The following CREBL2 variants were observed in gnomAD, a reference collection of about 807,000 sequenced individuals.
CREBL2 encodes cAMP responsive element binding protein like 2.
Under a neutral mutation model 19.5 loss-of-function variants are expected in CREBL2, and 4 were observed. That is an observed-to-expected ratio of 0.20 (90% confidence interval 0.10 to 0.47). The LOEUF is 0.47. Ranked by LOEUF, CREBL2 falls within the 20% of genes least tolerant of loss-of-function variation. CREBL2 has a pLI of 0.98. For missense variants in CREBL2, 85 were observed against 145.1 expected, an observed-to-expected ratio of 0.59 and a Z score of 2.13; for synonymous variants, 42 against 46.6, an observed-to-expected ratio of 0.90 and a Z score of 0.40.
chr12:12,618,507 C>T (rs1344015593), intron 1 of CREBL2, among the ~76,000 whole-genome samples: 5 of 151,218 alleles, frequency 3.3e-5, no homozygotes, highest in East Asian at 1.9e-4. Flanking sequence ...ACTTCCTAGA[C>T]GGGATGGCGG....
intron 1 of CREBL2, 90 bp downstream of exon 1, chr12:12,612,277 AC>A: frequency 6.2e-7 from 1 of 1,603,666 alleles, no homozygotes. Flanking sequence ...CCACGCCAAC[AC>A]CCAAGAGACA....
chr12:12,634,527 T>G (rs1481887148), intron 1 of CREBL2, among the ~76,000 whole-genome samples: 2 of 152,204 alleles, frequency 1.3e-5, no homozygotes, highest in Non-Finnish European at 2.9e-5. Context: ...TGTGTATATA[T>G]ATACGATTTT....
intron 1 of CREBL2, 130 bp downstream of exon 1, chr12:12,612,317 A>T: frequency 1.3e-6 from 2 of 1,522,490 alleles, no homozygotes; most frequent in Non-Finnish European, 1.8e-6. Flanking sequence ...GCGCCTCTCC[A>T]GTCCACTGCC....
At chr12:12,622,197 T>A (rs1945364815) in intron 1 of CREBL2, among the ~76,000 whole-genome samples, 1 of 152,140 alleles carries the variant, frequency 6.6e-6, no homozygotes, top group African/African-American at 2.4e-5. Flanking sequence ...ACATACTGAG[T>A]TCAATAAATC....
At chr12:12,640,156 G>A (rs556134500) in intron 3 of CREBL2, among the ~76,000 whole-genome samples, 2 of 152,256 alleles carry the variant, frequency 1.3e-5, no homozygotes, top group East Asian at 3.9e-4. Context: ...ATTTACCAGG[G>A]CAGAGTTTTT....
chr12:12,643,758 G>C lies in CREBL2; in HGVS notation c.*1760G>C, dbSNP rs1445473206. On this transcript the variant is annotated 3_prime_UTR_variant, in exon 4 of 4. Transcript: ENST00000228865. The stretch of plus-strand genomic sequence containing the variant: ...TGGGTCTCTATGTTTTGGAAGTTGG[G>C]GGTTTAATAATATTTAATGTCTTTT... The C allele has an allele frequency of 1.3e-5, 2 of 152,082 alleles. No homozygotes were observed. Among genetic ancestry groups the C allele is most frequent in the African/African-American group, 4.8e-5 (2 of 41,398 alleles). 9.4% of individuals were successfully genotyped at this position (152,082 alleles called of 1,614,324 possible). A position where few individuals can be genotyped will look rare whatever the true frequency, so the allele number is the denominator to read the frequency against.
intron 3 of CREBL2, among the ~76,000 whole-genome samples, chr12:12,640,022 A>G (rs1945505662): frequency 6.6e-6 from 1 of 152,118 alleles, no homozygotes; most frequent in African/African-American, 2.4e-5. Context: ...CAAAGATCAC[A>G]GGGCAAAGGG....
At chr12:12,616,067 A>G (rs960206691) in intron 1 of CREBL2, among the ~76,000 whole-genome samples, 16 of 152,214 alleles carry the variant, frequency 1.1e-4, no homozygotes, top group Non-Finnish European at 2.2e-4. Flanking sequence ...TGTTATGGGT[A>G]TTTAAGGATG....
chr12:12,637,051 C>G (rs1268514254), intron 2 of CREBL2, among the ~76,000 whole-genome samples: 1 of 152,108 alleles, frequency 6.6e-6, no homozygotes, highest in East Asian at 1.9e-4. Flanking sequence ...TTCTTACTTT[C>G]TGCAGTGTAA....
chr12:12,612,240 C>A, intron 1 of CREBL2, 53 bp downstream of exon 1: 5 of 1,612,778 alleles, frequency 3.1e-6, no homozygotes, highest in Non-Finnish European at 3.4e-6. Context: ...CAATGCTAGT[C>A]CCGCGGCTGA....
At chr12:12,630,254 T>G (rs1001621193) in intron 1 of CREBL2, among the ~76,000 whole-genome samples, 2 of 152,176 alleles carry the variant, frequency 1.3e-5, no homozygotes, top group Middle Eastern at 3.2e-3. Context: ...ATAAAATTTT[T>G]TATTACTGAT....
chr12:12,641,740 A>G (rs1217893015), intron 3 of CREBL2, among the ~76,000 whole-genome samples: 3 of 152,166 alleles, frequency 2.0e-5, no homozygotes, highest in Non-Finnish European at 4.4e-5. Context: ...CCACCACTAT[A>G]CAATTCACCC....
chr12:12,611,886 G>A lies in CREBL2; in HGVS notation c.-287G>A, dbSNP rs890665516. Reference sequence around the variant, plus strand: ...TCCCGCCCACCCTCCGGTCTCGGCGGCTCTCCAGAGCGTCTGTAAACACCC... The same window carrying A: ...TCCCGCCCACCCTCCGGTCTCGGCGACTCTCCAGAGCGTCTGTAAACACCC... On this transcript the variant is annotated 5_prime_UTR_variant, in exon 1 of 4. Transcript: ENST00000228865. 5 of 505,884 alleles carry A rather than the reference G, an allele frequency of 9.9e-6. No individual in the cohort carries two copies. Among genetic ancestry groups the A allele is most frequent in the African/African-American group, 5.9e-5 (3 of 50,754 alleles). The allele number at this position is 505,884 out of a possible 1,614,324, so 31.3% of individuals were successfully genotyped here.
At chr12:12,641,939 A>G (rs1945526022) in intron 3 of CREBL2, 55 bp from the exon 4 acceptor site, 1 of 1,340,076 alleles carries the variant, frequency 7.5e-7, no homozygotes, top group Non-Finnish European at 1.0e-6. Flanking sequence ...AAACAGATTA[A>G]TCAAACTTTA....
chr12:12,639,614 C>T (rs1945502151), intron 3 of CREBL2, among the ~76,000 whole-genome samples: 1 of 151,924 alleles, frequency 6.6e-6, no homozygotes, highest in Non-Finnish European at 1.5e-5. Flanking sequence ...GTCTAGGTCC[C>T]CTGCTCATGT....
chr12:12,632,456 A>C (rs1704717134), intron 1 of CREBL2: 1 of 152,210 alleles, frequency 6.6e-6, no homozygotes, highest in Admixed American at 6.5e-5. Flanking sequence ...ACAAAGGGTT[A>C]TAGCTTTTAT....
At chr12:12,633,886 G>A (rs1945457317) in intron 1 of CREBL2, among the ~76,000 whole-genome samples, 1 of 152,166 alleles carries the variant, frequency 6.6e-6, no homozygotes. Context: ...ATTTGCCAGT[G>A]TTTGAATTTT....
chr12:12,623,099 CTTTTTTTT>C (rs5796501), intron 1 of CREBL2, among the ~76,000 whole-genome samples: 43 of 117,680 alleles, frequency 3.7e-4, no homozygotes, highest in Middle Eastern at 4.4e-3. Flanking sequence ...GTAACAACTT[CTTTTTTTT>C]TTTTTTTTTT....
At chr12:12,634,393 G>A (rs1011626183) in intron 1 of CREBL2, among the ~76,000 whole-genome samples, 1 of 152,208 alleles carries the variant, frequency 6.6e-6, no homozygotes. Context: ...TTGAGAGGTT[G>A]CTTTATGACA....
Sources: allele counts gnomAD v4.1 joint callset (sites outside exome capture counted in the v4.1 genomes callset), GRCh38; gene constraint gnomAD v4.1.1; transcripts MANE v1.5; gene names NCBI Gene and HGNC (gene_info 2026-07-23, HGNC 2026-07-21).